Variants in KANK1 observed in about 807,000 individuals in gnomAD.
The protein encoded by KANK1 is KN motif and ankyrin repeat domains 1.
KANK1 carries 109 observed loss-of-function variants against 106.2 expected under a neutral mutation model. The observed-to-expected ratio is 1.03, with a 90% CI of 0.88 to 1.20. KANK1 has a LOEUF of 1.20. Among genes scored for constraint, KANK1 ranks in the 50% most tolerant of loss-of-function variants. The probability of loss-of-function intolerance (pLI) is 0.00; values close to 1 mark genes in which losing one functional copy is unlikely to be tolerated. For synonymous variants in KANK1, 873 were observed against 652.2 expected (o/e 1.34, Z -5.16); for missense variants, 2,399 against 1,710.7 (o/e 1.40, Z -7.10).
chr9:576,103 T>C (rs1420050426), intron 1 of KANK1, among the ~76,000 whole-genome samples: 1 of 152,174 alleles, frequency 6.6e-6, no homozygotes, highest in Non-Finnish European at 1.5e-5. Flanking sequence ...TCTGGGAACT[T>C]ATTAGAAATT....
upstream of KANK1, among the ~76,000 whole-genome samples, chr9:501,666 T>C (rs1047194701): frequency 1.3e-5 from 2 of 151,826 alleles, no homozygotes; most frequent in African/African-American, 4.8e-5. Flanking sequence ...ATGATATCGA[T>C]TGGAATTTGT....
At chr9:586,593 A>G (rs1479135434) in intron 1 of KANK1, among the ~76,000 whole-genome samples, 1 of 152,154 alleles carries the variant, frequency 6.6e-6, no homozygotes, top group Non-Finnish European at 1.5e-5. Context: ...TTTAGGAGAA[A>G]AGCCATGTGT....
At chr9:481,242 T>C (rs2058197864) in intron 3 of KANK1, among the ~76,000 whole-genome samples, 1 of 152,018 alleles carries the variant, frequency 6.6e-6, no homozygotes. Flanking sequence ...TGAGTAATTA[T>C]AAGTCAAACC....
At chr9:666,118 C>G (rs777555005) in intron 1 of KANK1, among the ~76,000 whole-genome samples, 7 of 152,016 alleles carry the variant, frequency 4.6e-5, no homozygotes, top group Admixed American at 6.6e-5. Flanking sequence ...GAAATCAAGA[C>G]TGCAGTGCTC....
At chr9:723,994 T>G (rs117424499) in intron 3 of KANK1, among the ~76,000 whole-genome samples, 1,713 of 151,000 alleles carry the variant, frequency 0.011, 63 homozygotes, top group Admixed American at 0.046. Context: ...TCCCAGCTAT[T>G]TGGGGGGCTG....
Position 712,223 on chromosome 9 carries a change from C to G in KANK1, c.1457C>G (p.Thr486Ser), listed in dbSNP as rs545105437. 99 of 1,614,160 alleles carry G rather than the reference C, an allele frequency of 6.1e-5. No homozygotes were observed. Among genetic ancestry groups the G allele is most frequent in the Non-Finnish European group, 8.3e-5 (98 of 1,180,020 alleles). ...GAAACCACCCATGACCGGGAGATGA[C>G]TAAACTGAAACAAGAGCTGCAGGCT... is the stretch of plus-strand genomic sequence containing the variant. ...LRETTHDREM[T>S]KLKQELQAAG... The change falls in exon 3 of 12, where the codon ACT (threonine) becomes AGT (serine). Residue 486 changes from threonine (T) to serine (S), a missense_variant. By Grantham distance (58) the Thr-to-Ser change is moderately conservative. Coordinates refer to ENST00000382297, the MANE Select transcript of KANK1 (RefSeq NM_015158.5).
chr9:529,182 A>C (rs1282637847), intron 1 of KANK1, among the ~76,000 whole-genome samples: 1 of 152,032 alleles, frequency 6.6e-6, no homozygotes, highest in African/African-American at 2.4e-5. Context: ...CTCTCTTTAC[A>C]GGCAACTGGT....
intron 1 of KANK1, among the ~76,000 whole-genome samples, chr9:590,728 C>T (rs1824661285): frequency 6.6e-6 from 1 of 151,526 alleles, no homozygotes; most frequent in East Asian, 1.9e-4. Flanking sequence ...ATAAACCTCT[C>T]TGCTTATCAG....
At chr9:493,956 C>T (rs757964055) in intron 3 of KANK1, among the ~76,000 whole-genome samples, 6 of 151,878 alleles carry the variant, frequency 4.0e-5, no homozygotes, top group Non-Finnish European at 8.8e-5. Flanking sequence ...GATCTCGGCT[C>T]ACCACAACTT....
At chr9:602,607 A>G (rs1468106826) in intron 1 of KANK1, among the ~76,000 whole-genome samples, 1 of 151,826 alleles carries the variant, frequency 6.6e-6, no homozygotes, top group Admixed American at 6.6e-5. Context: ...ATAGAGGTAA[A>G]TACCTGGATT....
At chr9:575,364 GT>G (rs1346293293) in intron 1 of KANK1, among the ~76,000 whole-genome samples, 3 of 152,130 alleles carry the variant, frequency 2.0e-5, no homozygotes, top group African/African-American at 7.2e-5. Flanking sequence ...TGAGACTTCT[GT>G]TTTATATAAT....
In KANK1 at chr9:631,298, G is replaced by A. The variant is rs114495037; in HGVS notation, c.-83-45592G>A. On this transcript the variant is annotated intron_variant, in intron 1 of 11. Transcript: ENST00000382297. ...CCACACGGAAAAAGAAATGCTGTGC[G>A]GCCTCATTAGCACCCCAGGATTTGT... Among the ~76,000 whole-genome samples the A allele has an allele frequency of 7.6e-4, 115 of 152,232 alleles. 1 individual carries two copies. The highest frequency in any genetic ancestry group is 2.4e-3 in the African/African-American group (99 of 41,528).
chr9:730,309 C>T (rs776759172), intron 4 of KANK1, 61 bp downstream of exon 4: 2 of 1,473,834 alleles, frequency 1.4e-6, no homozygotes, highest in Non-Finnish European at 1.9e-6. Flanking sequence ...TGCCAGCATT[C>T]CAATTTAATG....
rs114234765 is a variant in KANK1, at chr9:704,805, A to G, written c.38-5999A>G. Among the ~76,000 whole-genome samples, 449 of 152,070 alleles carry G rather than the reference A, an allele frequency of 3.0e-3. 2 individuals carry two copies. The highest frequency in any genetic ancestry group is 0.011 in the African/African-American group (439 of 41,466). On this transcript the variant is annotated intron_variant, in intron 2 of 11. Coordinates refer to ENST00000382297, the MANE Select transcript of KANK1 (RefSeq NM_015158.5). The stretch of plus-strand genomic sequence containing the variant: ...AGACCAGCCTGAGCAAAATAGCAAG[A>G]ACTCATCTCTATTAAAAATAATTTT...
chr9:565,460 T>A (rs1817578538), intron 1 of KANK1, among the ~76,000 whole-genome samples: 2 of 152,172 alleles, frequency 1.3e-5, no homozygotes, highest in South Asian at 4.1e-4. Context: ...AAGAAAGAGT[T>A]TAATTGACGA....
At chr9:526,280 G>A (rs1299954825) in intron 1 of KANK1, among the ~76,000 whole-genome samples, 1 of 151,502 alleles carries the variant, frequency 6.6e-6, no homozygotes, top group African/African-American at 2.4e-5. Context: ...GGTAGGAGCT[G>A]GTGGGCAGCA....
At chr9:654,254 T>G (rs1841586258) in intron 1 of KANK1, among the ~76,000 whole-genome samples, 1 of 152,312 alleles carries the variant, frequency 6.6e-6, no homozygotes, top group Non-Finnish European at 1.5e-5. Context: ...ACATCACTGG[T>G]CCACGGCCAG....
chr9:499,713 G>A (rs939311177), upstream of KANK1, among the ~76,000 whole-genome samples: 1 of 152,156 alleles, frequency 6.6e-6, no homozygotes, highest in Non-Finnish European at 1.5e-5. Flanking sequence ...ACCCTTTTGG[G>A]GACTTTTGGT....
At chr9:714,068 C>G (rs998632731) in intron 3 of KANK1, among the ~76,000 whole-genome samples, 4 of 132,912 alleles carry the variant, frequency 3.0e-5, no homozygotes, top group African/African-American at 1.4e-4. Flanking sequence ...GTAAGACCTC[C>G]ATTTCTAAAA....
Sources: gnomAD v4.1 joint callset for allele counts (sites outside exome capture counted in the v4.1 genomes callset) on GRCh38, gnomAD v4.1.1 for gene constraint, MANE v1.5 for transcripts, NCBI Gene and HGNC (gene_info 2026-07-23, HGNC 2026-07-21) for gene names.